POLA1: variants seen among roughly 807,000 people sequenced by gnomAD.
The protein encoded by POLA1 is DNA polymerase alpha catalytic subunit.
A neutral mutation model predicts 124.0 loss-of-function variants in POLA1; 15 were observed. The observed-to-expected ratio is 0.12, with a 90% CI of 0.08 to 0.19. The LOEUF (loss-of-function observed/expected upper bound fraction) is 0.19, where lower values mean the gene tolerates loss of function less well. POLA1 is among the 10% of genes least tolerant of loss of function. The pLI is 1.00. For missense variants in POLA1, 886 were observed against 1,103.4 expected (o/e 0.80, Z 2.79); for synonymous variants, 408 against 389.4 (o/e 1.05, Z -0.56).
At chrX:24,732,246 C>T (rs1452641984) in intron 15 of POLA1, 124 bp from the exon 16 acceptor site, 9 of 485,901 alleles carry the variant, frequency 1.9e-5, no homozygotes, top group African/African-American at 4.7e-5. Flanking sequence ...TGAGCCACCA[C>T]GCCTGGCCAA....
chrX:24,969,270 T>C (rs962652043), intron 36 of POLA1, among the ~76,000 whole-genome samples: 1 of 110,650 alleles, frequency 9.0e-6, no homozygotes, highest in Non-Finnish European at 1.9e-5. Context: ...AGAGGTATTC[T>C]TCATTCTGTT....
chrX:24,777,912 G>A (rs1280257782), intron 26 of POLA1, among the ~76,000 whole-genome samples: 1 of 112,424 alleles, frequency 8.9e-6, no homozygotes, highest in Non-Finnish European at 1.9e-5. Flanking sequence ...TGGCTTAATG[G>A]TTCAGGGTGG....
rs1002397704 is a variant in POLA1 at position 24,748,392 on chromosome X, G to A, written c.2773G>A (p.Val925Ile). ...TTTGCCCAGAGAGATCCGGAAACTG[G>A]TAGAACGGAGAAAACAAGTCAAACA... is the stretch of plus-strand genomic sequence containing the variant. ...GILPREIRKLVERRKQVKQLM... is the reference protein window; with the variant it reads ...GILPREIRKLIERRKQVKQLM... Residue 925 changes from valine (V) to isoleucine (I), a missense_variant, in exon 25 of 37, where the codon GTA becomes ATA. Physicochemically the swap from Val to Ile is conservative, Grantham distance 29. Around this residue, in one of 7 missense-constraint regions of POLA1, gnomAD observed 182 missense variants for 252.8 expected, o/e 0.72. Coordinates refer to ENST00000379068, the MANE Select transcript of POLA1 (RefSeq NM_001330360.2). 8.3e-7 allele frequency: 1 copy of A among 1,199,442 alleles called. No homozygotes were observed. Among genetic ancestry groups the A allele is most frequent in the African/African-American group, 1.7e-5 (1 of 57,196 alleles).
intron 34 of POLA1, among the ~76,000 whole-genome samples, chrX:24,877,478 G>A (rs1415006044): frequency 3.6e-5 from 4 of 111,745 alleles, no homozygotes; most frequent in African/African-American, 1.3e-4. Flanking sequence ...GACAATCTCT[G>A]ATCAGCTACT....
intron 26 of POLA1, among the ~76,000 whole-genome samples, chrX:24,764,560 C>A (rs1232384096): frequency 8.9e-6 from 1 of 112,053 alleles, no homozygotes. Flanking sequence ...GCTTGATATT[C>A]ATGAGTTTGC....
intron 2 of POLA1, among the ~76,000 whole-genome samples, chrX:24,701,661 C>G (rs1928434756): frequency 9.0e-6 from 1 of 111,357 alleles, no homozygotes; most frequent in African/African-American, 3.3e-5. Flanking sequence ...GCCTGGAACT[C>G]CTGACTTCAG....
intron 36 of POLA1, among the ~76,000 whole-genome samples, chrX:24,959,986 G>A (rs1479114018): frequency 9.0e-6 from 1 of 111,474 alleles, no homozygotes. Context: ...AAGTCCCTGA[G>A]CTAAAAATTC....
chrX:24,736,256 AC>A (rs1931268287), intron 18 of POLA1, among the ~76,000 whole-genome samples: 1 of 111,806 alleles, frequency 8.9e-6, no homozygotes, highest in African/African-American at 3.3e-5. Context: ...ACTCTTGGAT[AC>A]CTTATCTGGC....
At chrX:24,860,451 A>G (rs1266934000) in intron 34 of POLA1, among the ~76,000 whole-genome samples, 1 of 112,934 alleles carries the variant, frequency 8.9e-6, no homozygotes, top group Non-Finnish European at 1.9e-5. Context: ...AAGATAGTTC[A>G]GCAGAGAAGG....
chrX:24,860,397 A>G (rs1247913810), intron 34 of POLA1, among the ~76,000 whole-genome samples: 2 of 112,417 alleles, frequency 1.8e-5, no homozygotes. Context: ...TTCCTGTTCC[A>G]TACTTGACTG....
chrX:24,864,833 C>G (rs959128595), intron 34 of POLA1, among the ~76,000 whole-genome samples: 5 of 110,366 alleles, frequency 4.5e-5, no homozygotes, highest in African/African-American at 1.6e-4. Context: ...TTTGGCAAAT[C>G]ATTTTGTTCC....
At chrX:24,897,609 G>T (rs1271959338) in intron 35 of POLA1, among the ~76,000 whole-genome samples, 1 of 111,950 alleles carries the variant, frequency 8.9e-6, no homozygotes. Context: ...AAAATGAAGG[G>T]CTTTTCTTTC....
chrX:24,793,522 A>T (rs1034400874), intron 26 of POLA1, among the ~76,000 whole-genome samples: 1 of 111,662 alleles, frequency 9.0e-6, no homozygotes. Flanking sequence ...GTGAAATCAC[A>T]GGAGAATTGT....
At chrX:24,859,829 CTT>C (rs1191475332) in intron 34 of POLA1, among the ~76,000 whole-genome samples, 2 of 112,672 alleles carry the variant, frequency 1.8e-5, no homozygotes, top group African/African-American at 6.4e-5. Context: ...CCAATTCTTA[CTT>C]TTTATTGTTA....
chrX:24,947,240 C>T (rs1273411423), intron 36 of POLA1, among the ~76,000 whole-genome samples: 1 of 81,049 alleles, frequency 1.2e-5, no homozygotes, highest in Non-Finnish European at 2.4e-5. Context: ...GTTTTCCCTG[C>T]AGATTCTTTT....
At chrX:24,804,692 C>CT (rs938207364) in intron 26 of POLA1, among the ~76,000 whole-genome samples, 4 of 110,622 alleles carry the variant, frequency 3.6e-5, no homozygotes, top group African/African-American at 6.5e-5. Flanking sequence ...GACCTTGAAA[C>CT]TTTTTTTTTA....
At chrX:24,939,966 A>G (rs1001517382) in intron 36 of POLA1, among the ~76,000 whole-genome samples, 1 of 111,924 alleles carries the variant, frequency 8.9e-6, no homozygotes, top group African/African-American at 3.2e-5. Context: ...TTTAATAGCT[A>G]TCTCTGCCTT....
At chrX:24,865,882 A>G (rs1218437877) in intron 34 of POLA1, among the ~76,000 whole-genome samples, 1 of 111,701 alleles carries the variant, frequency 9.0e-6, no homozygotes, top group Non-Finnish European at 1.9e-5. Flanking sequence ...ATTAATGATT[A>G]TAAGGATTAA....
chrX:24,750,747 G>T (rs1469538434), intron 26 of POLA1, among the ~76,000 whole-genome samples: 1 of 112,093 alleles, frequency 8.9e-6, no homozygotes, highest in Non-Finnish European at 1.9e-5. Context: ...TATTTTGAAT[G>T]TAAATCCTTT....
Sources: gnomAD v4.1 joint callset for allele counts (sites outside exome capture counted in the v4.1 genomes callset) on GRCh38, gnomAD v4.1.1 for gene constraint, gnomAD v4.1.1 regional missense constraint, MANE v1.5 for transcripts, NCBI Gene and HGNC (gene_info 2026-07-23, HGNC 2026-07-21) for gene names.